Variants in INPP4B observed in about 807,000 individuals in gnomAD.
INPP4B encodes the protein inositol polyphosphate-4-phosphatase type II B.
Under a neutral mutation model 122.5 loss-of-function variants are expected in INPP4B, and 55 were observed. That is an observed-to-expected ratio of 0.45 (90% CI 0.36 to 0.56). The LOEUF (loss-of-function observed/expected upper bound fraction) is 0.56, where lower values mean the gene tolerates loss of function less well. Ranked by LOEUF, INPP4B falls within the 20% of genes least tolerant of loss-of-function variation. The pLI is 0.00. For synonymous variants in INPP4B, 403 were observed against 388.7 expected (o/e 1.04, Z -0.43); for missense variants, 1,000 against 1,097.7 (o/e 0.91, Z 1.26).
chr4:142,091,599 C>T (rs532617761), intron 23 of INPP4B, among the ~76,000 whole-genome samples: 1 of 152,242 alleles, frequency 6.6e-6, no homozygotes, highest in East Asian at 1.9e-4. Context: ...GTCACACACC[C>T]CAGTCACAAA....
chr4:142,596,635 G>A (rs763385980), intron 2 of INPP4B, among the ~76,000 whole-genome samples: 2 of 152,218 alleles, frequency 1.3e-5, no homozygotes, highest in Admixed American at 6.5e-5. Context: ...GAGAAAAAAG[G>A]TAAGAAAGAG....
intron 1 of INPP4B, among the ~76,000 whole-genome samples, chr4:142,758,393 T>A (rs933591632): frequency 6.6e-6 from 1 of 152,028 alleles, no homozygotes; most frequent in Non-Finnish European, 1.5e-5. Flanking sequence ...GATCAATAGA[T>A]AGAAAATTTT....
At chr4:142,826,440 G>A (rs1031089731) in intron 1 of INPP4B, among the ~76,000 whole-genome samples, 1 of 151,778 alleles carries the variant, frequency 6.6e-6, no homozygotes, top group African/African-American at 2.4e-5. Context: ...AGTCCCAGTA[G>A]GCACTGAATC....
chr4:142,200,060 A>G (rs1840005498), intron 14 of INPP4B, among the ~76,000 whole-genome samples: 1 of 151,994 alleles, frequency 6.6e-6, no homozygotes, highest in African/African-American at 2.4e-5. Flanking sequence ...CACATTATTA[A>G]TTAGAATTCT....
chr4:142,118,542 G>A (rs1190239740), intron 21 of INPP4B, among the ~76,000 whole-genome samples: 1 of 152,120 alleles, frequency 6.6e-6, no homozygotes, highest in African/African-American at 2.4e-5. Context: ...AAGAAATGGG[G>A]AAAGGATTCC....
chr4:142,023,343 A>C lies in INPP4B; in HGVS notation c.*5439T>G, dbSNP rs192876585. The C allele has an allele frequency of 3.3e-5, 5 of 152,170 alleles. No homozygotes were observed. The highest frequency in any genetic ancestry group is 4.8e-5 in the African/African-American group (2 of 41,448). The allele number at this position is 152,170 out of a possible 1,614,324, so 9.4% of individuals were successfully genotyped here. A position where few individuals can be genotyped will look rare whatever the true frequency, so the allele number is the denominator to read the frequency against. ...TTCATCTAAAATACATATATAACAT[A>C]AAAAGAAAACAAATGCCAACCTTTC... is the stretch of plus-strand genomic sequence containing the variant. On this transcript the variant is annotated 3_prime_UTR_variant, in exon 26 of 26. Coordinates refer to ENST00000262992, the MANE Select transcript of INPP4B (RefSeq NM_001101669.3).
At chr4:142,561,398 GTTTC>G (rs1020742441) in intron 2 of INPP4B, among the ~76,000 whole-genome samples, 2 of 144,600 alleles carry the variant, frequency 1.4e-5, no homozygotes, top group South Asian at 2.2e-4. Flanking sequence ...ACTTGTTAAA[GTTTC>G]TTTGTTTTTT....
chr4:142,293,422 T>TA (rs539568397), intron 9 of INPP4B, among the ~76,000 whole-genome samples: 667 of 150,418 alleles, frequency 4.4e-3, no homozygotes, highest in Middle Eastern at 6.8e-3. Context: ...AGCACAGCAT[T>TA]AAAAAAAAAG....
At chr4:142,374,597 A>G (rs998368539) in intron 7 of INPP4B, among the ~76,000 whole-genome samples, 29 of 151,836 alleles carry the variant, frequency 1.9e-4, no homozygotes, top group Non-Finnish European at 2.9e-5. Flanking sequence ...TGGATCCTTC[A>G]GTTTTGTCAA....
rs186130408 is a variant in INPP4B at position 142,734,748 on chromosome 4, C to T, written c.-253-8847G>A. On this transcript the variant is annotated intron_variant, in intron 1 of 25. Coordinates refer to ENST00000262992, the MANE Select transcript of INPP4B (RefSeq NM_001101669.3). ...GCAACCTCCGCCTCCCGGGATCGAG[C>T]GATTCTCTTGCCTTAGCCTCCCAAG... Among the ~76,000 whole-genome samples the T allele has an allele frequency of 1.1e-4, 17 of 152,234 alleles. No homozygotes were observed. The East Asian group carries it at 2.9e-3, about 26-fold the overall frequency.
intron 7 of INPP4B, among the ~76,000 whole-genome samples, chr4:142,356,084 G>C (rs1783513343): frequency 2.0e-5 from 3 of 151,276 alleles, no homozygotes; most frequent in African/African-American, 7.3e-5. Flanking sequence ...GACACAATTG[G>C]TTTACAATGT....
chr4:142,043,531 T>C (rs946059720), intron 25 of INPP4B, among the ~76,000 whole-genome samples: 1 of 151,726 alleles, frequency 6.6e-6, no homozygotes, highest in African/African-American at 2.4e-5. Flanking sequence ...TTAGGTGAGA[T>C]AGAGGGGTAT....
chr4:142,716,637 C>G (rs1763808480), intron 2 of INPP4B, among the ~76,000 whole-genome samples: 1 of 152,204 alleles, frequency 6.6e-6, no homozygotes, highest in African/African-American at 2.4e-5. Flanking sequence ...TGCAGAATCA[C>G]TGGATCCTGA....
At chr4:142,746,853 C>A (rs1359568861) in intron 1 of INPP4B, among the ~76,000 whole-genome samples, 1 of 152,108 alleles carries the variant, frequency 6.6e-6, no homozygotes, top group Non-Finnish European at 1.5e-5. Context: ...CTTCCTTACA[C>A]CTTATGCAAA....
intron 18 of INPP4B, among the ~76,000 whole-genome samples, chr4:142,142,304 T>C (rs1020686808): frequency 6.6e-6 from 1 of 152,104 alleles, no homozygotes; most frequent in African/African-American, 2.4e-5. Context: ...AATTACAATA[T>C]GATATTTTCA....
chr4:142,819,553 T>A (rs1179023910), intron 1 of INPP4B, among the ~76,000 whole-genome samples: 1 of 152,176 alleles, frequency 6.6e-6, no homozygotes, highest in Non-Finnish European at 1.5e-5. Flanking sequence ...TACAGCTATC[T>A]ACCAATCTGG....
intron 14 of INPP4B, among the ~76,000 whole-genome samples, chr4:142,205,073 A>C (rs1842115388): frequency 6.6e-6 from 1 of 152,126 alleles, no homozygotes; most frequent in Admixed American, 6.6e-5. Flanking sequence ...CTTTCAAATC[A>C]GAGAATCAGA....
At chr4:142,750,220 C>T (rs1769461526) in intron 1 of INPP4B, among the ~76,000 whole-genome samples, 1 of 151,936 alleles carries the variant, frequency 6.6e-6, no homozygotes, top group Admixed American at 6.6e-5. Context: ...AAAAAAAATG[C>T]TCCTACAAAA....
intron 7 of INPP4B, among the ~76,000 whole-genome samples, chr4:142,398,139 G>T (rs1481368451): frequency 1.3e-5 from 2 of 151,238 alleles, no homozygotes; most frequent in Admixed American, 6.6e-5. Context: ...ACTTGGGGAG[G>T]CCGAGGCCGG....
Sources: gnomAD v4.1 joint callset for allele counts (sites outside exome capture counted in the v4.1 genomes callset) on GRCh38, gnomAD v4.1.1 for gene constraint, MANE v1.5 for transcripts, NCBI Gene and HGNC (gene_info 2026-07-23, HGNC 2026-07-21) for gene names.